Variants in CACNG2 observed in about 807,000 individuals in gnomAD.
The protein encoded by CACNG2 is calcium voltage-gated channel auxiliary subunit gamma 2, also known as voltage-dependent calcium channel gamma-2 subunit.
In CACNG2, 3 loss-of-function variants were observed where a neutral mutation model predicts 25.9. The ratio of observed to expected loss-of-function variants is 0.12; its 90% CI spans 0.05 to 0.30. The LOEUF is 0.30. Ranked by LOEUF, CACNG2 falls within the 10% of genes least tolerant of loss-of-function variation. The pLI, the probability that CACNG2 is intolerant of heterozygous loss-of-function variation, is 1.00. For synonymous variants in CACNG2, 167 were observed against 173.3 expected (o/e 0.96, Z 0.29); for missense variants, 341 against 432.5 (o/e 0.79, Z 1.88).
chr22:36,633,782 G>T (rs745894047), intron 1 of CACNG2, among the ~76,000 whole-genome samples: 2 of 152,242 alleles, frequency 1.3e-5, no homozygotes, highest in Admixed American at 1.3e-4. Context: ...GCAAGGGCAT[G>T]CCTGTGAGTT....
intron 1 of CACNG2, among the ~76,000 whole-genome samples, chr22:36,618,642 C>A (rs1936060697): frequency 6.6e-6 from 1 of 152,200 alleles, no homozygotes; most frequent in African/African-American, 2.4e-5. Flanking sequence ...TAGAGAAGGG[C>A]CAGGCACGGT....
intron 2 of CACNG2, among the ~76,000 whole-genome samples, chr22:36,586,589 T>G (rs1331560535): frequency 6.6e-6 from 1 of 152,158 alleles, no homozygotes; most frequent in East Asian, 1.9e-4. Context: ...ATAAAATGCC[T>G]CCTACATGCT....
At chr22:36,699,683 T>C (rs868117637) in intron 1 of CACNG2, among the ~76,000 whole-genome samples, 6 of 151,514 alleles carry the variant, frequency 4.0e-5, no homozygotes, top group Non-Finnish European at 7.4e-5. Context: ...AAAGTCCAAT[T>C]TTTCACACAA....
chr22:36,692,871 C>T (rs1026767023), intron 1 of CACNG2, among the ~76,000 whole-genome samples: 6 of 152,166 alleles, frequency 3.9e-5, no homozygotes, highest in South Asian at 2.1e-4. Flanking sequence ...AGAAGCCAGG[C>T]GCAGTGGCTC....
At chr22:36,667,481 A>G (rs938819629) in intron 1 of CACNG2, among the ~76,000 whole-genome samples, 45 of 152,284 alleles carry the variant, frequency 3.0e-4, no homozygotes, top group African/African-American at 1.1e-3. Flanking sequence ...AGGCCAGCCC[A>G]ATACTTTGCA....
intron 1 of CACNG2, among the ~76,000 whole-genome samples, chr22:36,613,156 C>CTCTGTGTGTGTGTGTGTG (rs140413982): frequency 1.4e-5 from 2 of 146,122 alleles, no homozygotes; most frequent in Admixed American, 6.8e-5. Context: ...TACAGGCTCT[C>CTCTGTGTGTGTGTGTGTG]TGTGTGTGTG....
At chr22:36,700,280 T>C (rs1052027102) in intron 1 of CACNG2, among the ~76,000 whole-genome samples, 1 of 152,262 alleles carries the variant, frequency 6.6e-6, no homozygotes, top group Non-Finnish European at 1.5e-5. Context: ...CAGATGGAAT[T>C]TTAATCAAAA....
At position 36,563,976 on chromosome 22, in the gene CACNG2, T is replaced by G. The variant is rs545484613; in HGVS notation, c.*375A>C. The stretch of plus-strand genomic sequence containing the variant: ...CTTTTATTTTTTCATTTAAATTGAT[T>G]TTTATTAAATGTTAAAATAATGGTA... On this transcript the variant is annotated 3_prime_UTR_variant, in exon 4 of 4. Coordinates refer to ENST00000300105, the MANE Select transcript of CACNG2 (RefSeq NM_006078.5). The G allele has an allele frequency of 4.3e-5, 7 of 163,676 alleles. No individual in the cohort carries two copies. Among genetic ancestry groups the G allele is most frequent in the African/African-American group, 1.2e-4 (5 of 42,036 alleles). The allele number at this position is 163,676 out of a possible 1,614,324, so 10.1% of individuals were successfully genotyped here.
At chr22:36,682,010 T>C (rs1937131146) in intron 1 of CACNG2, among the ~76,000 whole-genome samples, 1 of 152,206 alleles carries the variant, frequency 6.6e-6, no homozygotes, top group Non-Finnish European at 1.5e-5. Context: ...ATCTTCATGG[T>C]GCTCAGCCGT....
chr22:36,602,426 C>T (rs1935767803), intron 1 of CACNG2, among the ~76,000 whole-genome samples: 2 of 152,066 alleles, frequency 1.3e-5, no homozygotes, highest in African/African-American at 4.8e-5. Flanking sequence ...TGCTCTGTCA[C>T]CCAGGCTGGA....
At chr22:36,591,503 C>A (rs1426173278) in intron 1 of CACNG2, among the ~76,000 whole-genome samples, 1 of 151,838 alleles carries the variant, frequency 6.6e-6, no homozygotes, top group Non-Finnish European at 1.5e-5. Flanking sequence ...GACCCTATAT[C>A]TACAAAAAAT....
At chr22:36,695,898 A>G (rs1402118574) in intron 1 of CACNG2, among the ~76,000 whole-genome samples, 1 of 152,306 alleles carries the variant, frequency 6.6e-6, no homozygotes, top group East Asian at 1.9e-4. Context: ...GGGGCTCATG[A>G]AAGATTTCAC....
intron 1 of CACNG2, among the ~76,000 whole-genome samples, chr22:36,653,155 C>A (rs1241131567): frequency 6.6e-6 from 1 of 152,108 alleles, no homozygotes; most frequent in Non-Finnish European, 1.5e-5. Context: ...AACCTCGTCT[C>A]TACTAAAAAT....
At chr22:36,598,642 A>T (rs1026825659) in intron 1 of CACNG2, among the ~76,000 whole-genome samples, 4 of 151,734 alleles carry the variant, frequency 2.6e-5, no homozygotes, top group Admixed American at 6.6e-5. Context: ...ACAACTCCCC[A>T]AAAACAAAAA....
chr22:36,600,450 C>CAAA (rs56118733), intron 1 of CACNG2, among the ~76,000 whole-genome samples: 1 of 147,352 alleles, frequency 6.8e-6, no homozygotes, highest in African/African-American at 2.6e-5. Context: ...ACCAAAAAAA[C>CAAA]AAAAAAAAAA....
intron 1 of CACNG2, among the ~76,000 whole-genome samples, chr22:36,626,522 A>G (rs1387103103): frequency 6.6e-6 from 1 of 152,186 alleles, no homozygotes; most frequent in Non-Finnish European, 1.5e-5. Context: ...GTAAGATCAG[A>G]GAATAGATAC....
intron 1 of CACNG2, among the ~76,000 whole-genome samples, chr22:36,698,512 C>T (rs906094424): frequency 3.9e-5 from 6 of 152,008 alleles, no homozygotes; most frequent in South Asian, 4.1e-4. Flanking sequence ...ATGGCTGAGC[C>T]GAGCGTGGAG....
Position 36,703,367 on chromosome 22 carries a change from G to C in CACNG2, c.-791C>G, listed in dbSNP as rs1937438492. 1 of 153,008 alleles carries C rather than the reference G, an allele frequency of 6.5e-6. No individual in the cohort carries two copies. The highest frequency in any genetic ancestry group is 1.5e-5 in the Non-Finnish European group (1 of 68,518). 9.5% of individuals were successfully genotyped at this position (153,008 alleles called of 1,614,324 possible). A position where few individuals can be genotyped will look rare whatever the true frequency, so the allele number is the denominator to read the frequency against. ...GTGTTGGCGAAGTGGGGGAGAGAGG[G>C]GGTTTCTCCTGGAGAATCGAGGCGG... On this transcript the variant is annotated 5_prime_UTR_variant, in exon 1 of 4. Transcript: ENST00000300105.
At chr22:36,657,137 G>C (rs970877382) in intron 1 of CACNG2, among the ~76,000 whole-genome samples, 8 of 152,328 alleles carry the variant, frequency 5.3e-5, no homozygotes, top group African/African-American at 1.9e-4. Context: ...CTCAGTCTCT[G>C]ATGTTTGCTA....
Sources: gnomAD v4.1 joint callset for allele counts (sites outside exome capture counted in the v4.1 genomes callset) on GRCh38, gnomAD v4.1.1 for gene constraint, MANE v1.5 for transcripts, NCBI Gene and HGNC (gene_info 2026-07-23, HGNC 2026-07-21) for gene names.